The following CADPS2 variants were observed in gnomAD, a reference collection of about 807,000 sequenced individuals.
CADPS2 encodes the protein calcium-dependent secretion activator 2.
CADPS2 carries 93 observed loss-of-function variants against 172.5 expected under a neutral mutation model. The ratio of observed to expected loss-of-function variants is 0.54; its 90% confidence interval spans 0.46 to 0.64. CADPS2 has a LOEUF of 0.64. CADPS2 is among the 30% of genes least tolerant of loss of function. The pLI is 0.00. For synonymous variants in CADPS2, 546 were observed against 555.2 expected, an observed-to-expected ratio of 0.98 and a Z score of 0.23; for missense variants, 1,420 against 1,565.9, an observed-to-expected ratio of 0.91 and a Z score of 1.57.
chr7:122,704,437 T>G (rs1394380708), intron 2 of CADPS2, among the ~76,000 whole-genome samples: 1 of 152,014 alleles, frequency 6.6e-6, no homozygotes, highest in Non-Finnish European at 1.5e-5. Flanking sequence ...AGAAGACGGT[T>G]TAACATCATC....
intron 9 of CADPS2, among the ~76,000 whole-genome samples, chr7:122,497,801 T>C (rs2058861526): frequency 1.3e-5 from 2 of 152,342 alleles, no homozygotes; most frequent in South Asian, 2.1e-4. Flanking sequence ...TTTGAAAATA[T>C]GTCTTTAATT....
intron 2 of CADPS2, among the ~76,000 whole-genome samples, chr7:122,679,050 C>T (rs770293640): frequency 6.6e-5 from 10 of 152,112 alleles, no homozygotes; most frequent in Middle Eastern, 3.4e-3. Flanking sequence ...AAAGCATGTG[C>T]GTTTGAACAA....
chr7:122,877,589 G>A (rs950367401), intron 1 of CADPS2, among the ~76,000 whole-genome samples: 6 of 152,052 alleles, frequency 3.9e-5, no homozygotes, highest in African/African-American at 1.2e-4. Flanking sequence ...TATCCATAAT[G>A]AGATTTAAAA....
chr7:122,588,517 T>G (rs930554195), intron 6 of CADPS2, among the ~76,000 whole-genome samples: 2 of 152,020 alleles, frequency 1.3e-5, no homozygotes, highest in African/African-American at 4.8e-5. Context: ...AATCCAACTC[T>G]AGTTAAATTA....
chr7:122,493,090 T>C (rs1037020079), intron 9 of CADPS2, among the ~76,000 whole-genome samples: 3 of 152,050 alleles, frequency 2.0e-5, no homozygotes, highest in Non-Finnish European at 4.4e-5. Flanking sequence ...TTAAAGGGTA[T>C]CATGAAGAAA....
chr7:122,689,494 C>T (rs2084051205), intron 2 of CADPS2, among the ~76,000 whole-genome samples: 1 of 152,234 alleles, frequency 6.6e-6, no homozygotes, highest in Non-Finnish European at 1.5e-5. Context: ...GCTCCAGGAA[C>T]AGTTATTGCT....
chr7:122,837,188 T>G (rs2140823406), intron 1 of CADPS2, among the ~76,000 whole-genome samples: 1 of 151,170 alleles, frequency 6.6e-6, no homozygotes, highest in African/African-American at 2.4e-5. Flanking sequence ...ACTGGGTACA[T>G]AACGAAATGA....
intron 1 of CADPS2, among the ~76,000 whole-genome samples, chr7:122,757,664 G>A (rs1036077098): frequency 1.3e-5 from 2 of 148,928 alleles, no homozygotes; most frequent in East Asian, 2.0e-4. Flanking sequence ...TAACACTTAC[G>A]TTTGGACGTT....
At chr7:122,487,256 C>G (rs1392354831) in intron 11 of CADPS2, among the ~76,000 whole-genome samples, 1 of 152,022 alleles carries the variant, frequency 6.6e-6, no homozygotes, top group Non-Finnish European at 1.5e-5. Flanking sequence ...GAGATCCCCC[C>G]CACCTCGACC....
intron 17 of CADPS2, among the ~76,000 whole-genome samples, chr7:122,419,834 C>A (rs10252346): frequency 1 from 152,306 of 152,306 alleles, 76,153 homozygotes; most frequent in Non-Finnish European, 1. Context: ...TACATACTTC[C>A]GTGCTAGGGA....
At position 122,819,231 on chromosome 7, in the gene CADPS2, G is replaced by A. The variant is rs141587996; in HGVS notation, c.339+66768C>T. Reference sequence around the variant, plus strand: ...TTGGCCACTGGGCCAAGGAATGCCCGCAGCCCAGGATTCCTCCTAAGCCAC... The same window carrying A: ...TTGGCCACTGGGCCAAGGAATGCCCACAGCCCAGGATTCCTCCTAAGCCAC... On this transcript the variant is annotated intron_variant, in intron 1 of 29. Transcript: ENST00000449022. 8.0e-3 allele frequency among the ~76,000 whole-genome samples: 1,223 copies of A among 152,246 alleles called. 7 individuals are homozygous for A. The highest frequency in any genetic ancestry group is 0.014 in the Middle Eastern group (4 of 294).
At position 122,533,714 on chromosome 7, in the gene CADPS2, G is replaced by A. The variant is rs149655821; in HGVS notation, c.1476-20399C>T. Among the ~76,000 whole-genome samples, 66 of 152,254 alleles carry A rather than the reference G, an allele frequency of 4.3e-4. No homozygotes were observed. The East Asian group carries it at 0.012, about 28-fold the overall frequency. ...AAAAGCAATTGACCTAAGTAGAAGA[G>A]CTAATTACATGGAGTAAGATAATTA... On this transcript the variant is annotated intron_variant, in intron 8 of 29. Coordinates refer to ENST00000449022, the MANE Select transcript of CADPS2 (RefSeq NM_017954.11).
intron 1 of CADPS2, among the ~76,000 whole-genome samples, chr7:122,765,413 T>A (rs1231232150): frequency 6.6e-6 from 1 of 152,128 alleles, no homozygotes; most frequent in East Asian, 1.9e-4. Flanking sequence ...CAGAACATGG[T>A]AGAAATCTAA....
chr7:122,531,043 C>T (rs2061708486), intron 8 of CADPS2, among the ~76,000 whole-genome samples: 1 of 152,156 alleles, frequency 6.6e-6, no homozygotes, highest in Admixed American at 6.5e-5. Flanking sequence ...GGAAGCCTCA[C>T]TGAGGTGCCA....
intron 18 of CADPS2, among the ~76,000 whole-genome samples, chr7:122,415,451 T>C (rs1490269398): frequency 6.6e-6 from 1 of 152,116 alleles, no homozygotes; most frequent in Non-Finnish European, 1.5e-5. Flanking sequence ...TCTGTAGCCC[T>C]TGCTGTTAAC....
intron 7 of CADPS2, among the ~76,000 whole-genome samples, chr7:122,561,323 T>C (rs545562824): frequency 2.8e-5 from 2 of 70,758 alleles, no homozygotes; most frequent in African/African-American, 1.2e-4. Context: ...ATCTCCTTCC[T>C]TCTATACACT....
intron 8 of CADPS2, among the ~76,000 whole-genome samples, chr7:122,533,365 G>C (rs1167178401): frequency 6.6e-6 from 1 of 152,004 alleles, no homozygotes; most frequent in Non-Finnish European, 1.5e-5. Flanking sequence ...CTAGCTCCCT[G>C]CCACCAGCTA....
intron 7 of CADPS2, 84 bp from the exon 8 acceptor site, chr7:122,554,773 G>C: frequency 8.0e-7 from 1 of 1,257,516 alleles, no homozygotes; most frequent in Non-Finnish European, 1.0e-6. Flanking sequence ...ATGTTTTCCT[G>C]TTTGAAAAAA....
intron 16 of CADPS2, chr7:122,439,418 AGT>A (rs1288654196): frequency 6.6e-6 from 1 of 152,160 alleles, no homozygotes; most frequent in Non-Finnish European, 1.5e-5. Flanking sequence ...TGCTTTCGTA[AGT>A]GCTCTATTTC....
Sources: allele counts gnomAD v4.1 joint callset (sites outside exome capture counted in the v4.1 genomes callset), GRCh38; gene constraint gnomAD v4.1.1; transcripts MANE v1.5; gene names NCBI Gene and HGNC (gene_info 2026-07-23, HGNC 2026-07-21).